RBFOX1: variants seen among roughly 807,000 people sequenced by gnomAD.
The protein encoded by RBFOX1 is RNA binding protein fox-1 homolog 1.
RBFOX1 carries 8 observed loss-of-function variants against 57.7 expected under a neutral mutation model. That is an observed-to-expected ratio of 0.14 (90% confidence interval 0.08 to 0.25). The LOEUF (loss-of-function observed/expected upper bound fraction) is 0.25. Ranked by LOEUF, RBFOX1 falls within the 10% of genes least tolerant of loss-of-function variation. RBFOX1 has a pLI of 1.00. For synonymous variants in RBFOX1, 326 were observed against 222.4 expected, an observed-to-expected ratio of 1.47 and a Z score of -4.15; for missense variants, 611 against 548.5, an observed-to-expected ratio of 1.11 and a Z score of -1.14.
intron 4 of RBFOX1, among the ~76,000 whole-genome samples, chr16:7,204,006 C>A (rs561034673): frequency 1.3e-5 from 2 of 152,364 alleles, no homozygotes; most frequent in African/African-American, 4.8e-5. Flanking sequence ...TATTTTAAGA[C>A]TGTCGCAATC....
At chr16:5,700,140 G>C (rs2050992904) in intron 3 of RBFOX1, among the ~76,000 whole-genome samples, 1 of 152,064 alleles carries the variant, frequency 6.6e-6, no homozygotes, top group South Asian at 2.1e-4. Context: ...CCAGTGTTCT[G>C]GTTTTATTAA....
At chr16:6,482,131 A>G (rs1485891308) in intron 2 of RBFOX1, among the ~76,000 whole-genome samples, 1 of 152,242 alleles carries the variant, frequency 6.6e-6, no homozygotes, top group African/African-American at 2.4e-5. Flanking sequence ...CAAGTTGTAT[A>G]CTTTAACTCA....
At chr16:7,624,331 T>G (rs1279356238) in intron 10 of RBFOX1, among the ~76,000 whole-genome samples, 1 of 152,368 alleles carries the variant, frequency 6.6e-6, no homozygotes, top group African/African-American at 2.4e-5. Context: ...CCATAATAGT[T>G]ATATCTAATA....
intron 3 of RBFOX1, among the ~76,000 whole-genome samples, chr16:5,792,170 C>A (rs4349145): frequency 2.0e-5 from 3 of 152,054 alleles, no homozygotes; most frequent in Non-Finnish European, 4.4e-5. Flanking sequence ...AAAAGAGAAC[C>A]TGGGACAAGG....
At chr16:6,941,304 T>TCCCTCCTTCCCTCCC (rs1567990692) in intron 3 of RBFOX1, among the ~76,000 whole-genome samples, 45 of 29,564 alleles carry the variant, frequency 1.5e-3, no homozygotes, top group African/African-American at 4.4e-3. Flanking sequence ...CCCTCCCTCC[T>TCCCTCCTTCCCTCCC]TCCTTCCTTC....
rs551090534 is a variant in RBFOX1, at chr16:7,053,347, T to C, written c.27+1249T>C. ...ACATTCGTTGTGACCCTTTCCTTCA[T>C]GGAACAGACTTCAAGATTTTTAAGC... On this transcript the variant is annotated intron_variant, in intron 4 of 15. Transcript: ENST00000550418. Among the ~76,000 whole-genome samples, 29 of 152,336 alleles carry C rather than the reference T, an allele frequency of 1.9e-4. 2 individuals are homozygous for C. In the South Asian group the frequency reaches 5.8e-3, roughly 30 times the overall value.
At position 5,536,384 on chromosome 16, in the gene RBFOX1, G is replaced by A. The variant is rs549564912; in HGVS notation, c.259-62518G>A. ...TGAGTAGCTGGGATTACAGGTGCCC[G>A]CCACCATGCCCGGCTAATTTTTGCA... On this transcript the variant is annotated intron_variant, in intron 2 of 2. Transcript: ENST00000585867. Among the ~76,000 whole-genome samples, 643 of 151,886 alleles carry A rather than the reference G, an allele frequency of 4.2e-3. 3 individuals are homozygous for A. Among genetic ancestry groups the A allele is most frequent in the Non-Finnish European group, 5.4e-3 (370 of 67,944 alleles).
intron 1 of RBFOX1, among the ~76,000 whole-genome samples, chr16:5,271,197 A>G (rs1567261458): frequency 6.6e-6 from 1 of 152,156 alleles, no homozygotes; most frequent in Non-Finnish European, 1.5e-5. Context: ...GAAAAAAGAA[A>G]AAAAAAAGTA....
intron 3 of RBFOX1, among the ~76,000 whole-genome samples, chr16:6,998,346 C>T (rs1295153585): frequency 2.6e-5 from 4 of 152,036 alleles, no homozygotes; most frequent in Non-Finnish European, 4.4e-5. Flanking sequence ...CAAGTGTTTA[C>T]ACATGAATCC....
chr16:6,371,795 A>G (rs1389426408), intron 2 of RBFOX1, among the ~76,000 whole-genome samples: 1 of 152,226 alleles, frequency 6.6e-6, no homozygotes, highest in Non-Finnish European at 1.5e-5. Flanking sequence ...CAAAGCCAAG[A>G]ATTTGTTAAT....
intron 4 of RBFOX1, among the ~76,000 whole-genome samples, chr16:7,507,978 A>G (rs940756018): frequency 1.3e-5 from 2 of 150,630 alleles, no homozygotes; most frequent in Non-Finnish European, 3.0e-5. Context: ...CTCTTTGTCT[A>G]TTTAAGTTTT....
intron 1 of RBFOX1, among the ~76,000 whole-genome samples, chr16:5,267,393 G>T (rs1295523957): frequency 2.6e-5 from 4 of 151,686 alleles, no homozygotes; most frequent in Non-Finnish European, 5.9e-5. Context: ...CGCCTCCTGG[G>T]TTCAAGCAAT....
chr16:5,790,454 A>G (rs1030705218), intron 3 of RBFOX1, among the ~76,000 whole-genome samples: 1 of 151,456 alleles, frequency 6.6e-6, no homozygotes, highest in Non-Finnish European at 1.5e-5. Flanking sequence ...AGCTCAAAGG[A>G]AGAAAAAATT....
chr16:6,728,540 G>C (rs1480596355), intron 3 of RBFOX1, among the ~76,000 whole-genome samples: 1 of 152,110 alleles, frequency 6.6e-6, no homozygotes, highest in Non-Finnish European at 1.5e-5. Context: ...GTGACATGTA[G>C]CAAACAGCTC....
At chr16:6,725,145 G>T (rs928678629) in intron 3 of RBFOX1, among the ~76,000 whole-genome samples, 2 of 149,856 alleles carry the variant, frequency 1.3e-5, no homozygotes, top group African/African-American at 4.9e-5. Context: ...CTGCGTCCCG[G>T]GTTCACGCCA....
chr16:6,335,776 C>CAAAAAA (rs57151962), intron 2 of RBFOX1, among the ~76,000 whole-genome samples: 6 of 50,924 alleles, frequency 1.2e-4, no homozygotes, highest in African/African-American at 3.4e-4. Flanking sequence ...AGACTGTCTC[C>CAAAAAA]AAAAAAAAAA....
At chr16:7,445,698 C>G (rs185473016) in intron 4 of RBFOX1, among the ~76,000 whole-genome samples, 9 of 152,176 alleles carry the variant, frequency 5.9e-5, no homozygotes, top group African/African-American at 2.2e-4. Flanking sequence ...GTTGCTGTTA[C>G]TGTTGTTGTT....
chr16:6,896,369 T>C (rs989396334), intron 3 of RBFOX1, among the ~76,000 whole-genome samples: 3 of 152,208 alleles, frequency 2.0e-5, no homozygotes, highest in Admixed American at 1.3e-4. Flanking sequence ...TCAAATAATA[T>C]GTATGTCTTT....
At chr16:7,074,186 A>T (rs1048522175) in intron 4 of RBFOX1, among the ~76,000 whole-genome samples, 1 of 152,156 alleles carries the variant, frequency 6.6e-6, no homozygotes, top group Non-Finnish European at 1.5e-5. Context: ...AGATGACCCA[A>T]ATGTTAGGAT....
Sources: allele counts gnomAD v4.1 joint callset (sites outside exome capture counted in the v4.1 genomes callset), GRCh38; gene constraint gnomAD v4.1.1; transcripts MANE v1.5; gene names NCBI Gene and HGNC (gene_info 2026-07-23, HGNC 2026-07-21).